Variants in CECR2 observed in about 807,000 individuals in gnomAD.
CECR2 encodes CECR2 histone acetyl-lysine reader, also known as chromatin remodeling regulator CECR2.
CECR2 carries 30 observed loss-of-function variants against 154.5 expected under a neutral mutation model. The observed-to-expected ratio is 0.19, with a 90% CI of 0.15 to 0.26. The LOEUF (loss-of-function observed/expected upper bound fraction) is 0.26. Among genes scored for constraint, CECR2 ranks in the 10% least tolerant of loss-of-function variants. The pLI is 1.00. For synonymous variants in CECR2, 725 were observed against 683.7 expected, an observed-to-expected ratio of 1.06 and a Z score of -0.94; for missense variants, 1,743 against 1,829.3, an observed-to-expected ratio of 0.95 and a Z score of 0.86.
chr22:17,408,165 T>G (rs1411799572), intron 1 of CECR2, among the ~76,000 whole-genome samples: 3 of 152,110 alleles, frequency 2.0e-5, no homozygotes, highest in African/African-American at 7.2e-5. Context: ...TCCAAGACGT[T>G]TTTATCACCT....
chr22:17,485,874 A>G (rs566497842), intron 2 of CECR2, among the ~76,000 whole-genome samples: 3 of 152,360 alleles, frequency 2.0e-5, no homozygotes, highest in African/African-American at 7.2e-5. Flanking sequence ...CTGTCTTCAG[A>G]TCTCAGTGAG....
In CECR2 at chr22:17,524,240, C is replaced by A; in HGVS notation, c.1077C>A (p.Arg359=). The A allele has an allele frequency of 6.2e-7, 1 of 1,609,506 alleles. No homozygotes were observed. Among genetic ancestry groups the A allele is most frequent in the Non-Finnish European group, 8.5e-7 (1 of 1,178,248 alleles). Residue 359 remains arginine, a synonymous_variant, in exon 9 of 19, where the codon CGC becomes CGA. Coordinates refer to ENST00000262608, the MANE Select transcript of CECR2 (RefSeq NM_001290047.2). ...QEQMLKEERK[R]ELEEKVKAVE... ...AGATGCTAAAGGAAGAGAGGAAACG[C>A]GAGTTGGAGGAGAAGGTCAAGGCAG...
At chr22:17,457,089 C>G (rs1421956248) in intron 1 of CECR2, among the ~76,000 whole-genome samples, 1 of 152,230 alleles carries the variant, frequency 6.6e-6, no homozygotes, top group South Asian at 2.1e-4. Flanking sequence ...TGCAGTGGCA[C>G]TATCTCTGTT....
intron 1 of CECR2, among the ~76,000 whole-genome samples, chr22:17,407,876 G>C (rs1268657608): frequency 6.6e-6 from 1 of 152,174 alleles, no homozygotes; most frequent in Non-Finnish European, 1.5e-5. Context: ...AGTCCAAAAT[G>C]TCAGTACTGC....
At chr22:17,410,413 CT>C (rs60591227) in intron 1 of CECR2, among the ~76,000 whole-genome samples, 11,575 of 152,006 alleles carry the variant, frequency 0.076, 1,228 homozygotes, top group African/African-American at 0.24. Flanking sequence ...TCTGATCCCC[CT>C]GTTTGTATAA....
At chr22:17,378,842 A>C (rs1278511983) in intron 1 of CECR2, among the ~76,000 whole-genome samples, 1 of 152,198 alleles carries the variant, frequency 6.6e-6, no homozygotes, top group Non-Finnish European at 1.5e-5. Context: ...CCCTAAATGC[A>C]AACCTTTAGT....
At chr22:17,456,554 T>A (rs772867656) in intron 1 of CECR2, among the ~76,000 whole-genome samples, 24 of 152,220 alleles carry the variant, frequency 1.6e-4, no homozygotes, top group Non-Finnish European at 2.4e-4. Context: ...ATTAAAACTG[T>A]AATTTTTTTA....
chr22:17,497,597 C>T lies in CECR2; in HGVS notation c.405+11C>T. 6.2e-7 allele frequency: 1 copy of T among 1,611,394 alleles called. No individual in the cohort carries two copies. Among genetic ancestry groups the T allele is most frequent in the Non-Finnish European group, 8.5e-7 (1 of 1,177,644 alleles). The stretch of plus-strand genomic sequence containing the variant: ...TTCGATCTTCTAAAGGTATGCTTAA[C>T]TGGCGAACCTTTCCCTGTAGCTGTG... On this transcript the variant is annotated intron_variant, in intron 3 of 18. Coordinates refer to ENST00000262608, the MANE Select transcript of CECR2 (RefSeq NM_001290047.2).
chr22:17,396,769 G>C (rs1463650914), intron 1 of CECR2, among the ~76,000 whole-genome samples: 1 of 152,200 alleles, frequency 6.6e-6, no homozygotes, highest in African/African-American at 2.4e-5. Flanking sequence ...AATCTCTGCA[G>C]AGTAGAAAGA....
chr22:17,529,778 CTTTG>C (rs559703922), intron 9 of CECR2, among the ~76,000 whole-genome samples: 29 of 151,840 alleles, frequency 1.9e-4, no homozygotes, highest in Middle Eastern at 3.5e-3. Flanking sequence ...TGATAGTTTT[CTTTG>C]TTTGAGACAA....
At chr22:17,498,892 C>T (rs1390421868) in intron 3 of CECR2, among the ~76,000 whole-genome samples, 1 of 152,200 alleles carries the variant, frequency 6.6e-6, no homozygotes, top group Admixed American at 6.5e-5. Flanking sequence ...ATATTTCCAT[C>T]TCTTGTTCCT....
chr22:17,504,515 C>T (rs2055799543), intron 6 of CECR2, among the ~76,000 whole-genome samples: 1 of 152,026 alleles, frequency 6.6e-6, no homozygotes, highest in Non-Finnish European at 1.5e-5. Context: ...CGGCTCACTG[C>T]AAGCTCCGCC....
Position 17,556,893 on chromosome 22 carries a change from C to T in CECR2, c.*4053C>T, listed in dbSNP as rs1244605454. On this transcript the variant is annotated 3_prime_UTR_variant, in exon 19 of 19. Transcript: ENST00000262608. ...GGGTGTGGTGTGTCCACCAGTGACTCTCCGGACACTAGCTTCAGTAAGGAT... is the reference window on the plus strand; with the variant it reads ...GGGTGTGGTGTGTCCACCAGTGACTTTCCGGACACTAGCTTCAGTAAGGAT... 1 of 152,266 alleles carries T rather than the reference C, an allele frequency of 6.6e-6. No individual in the cohort carries two copies. The highest frequency in any genetic ancestry group is 1.5e-5 in the Non-Finnish European group (1 of 68,082). 9.4% of individuals were successfully genotyped at this position (152,266 alleles called of 1,614,324 possible).
chr22:17,509,665 G>A (rs1329029479), intron 7 of CECR2, among the ~76,000 whole-genome samples: 1 of 151,994 alleles, frequency 6.6e-6, no homozygotes, highest in Non-Finnish European at 1.5e-5. Flanking sequence ...GCTATCACTT[G>A]ACAGAAGTTT....
chr22:17,545,146 G>A (rs556960510), intron 16 of CECR2, among the ~76,000 whole-genome samples: 3 of 151,972 alleles, frequency 2.0e-5, no homozygotes, highest in South Asian at 4.2e-4. Flanking sequence ...AGGCTGACGC[G>A]GGTGGATCAC....
chr22:17,502,136 A>T (rs2055750076), intron 5 of CECR2, among the ~76,000 whole-genome samples: 1 of 152,180 alleles, frequency 6.6e-6, no homozygotes, highest in South Asian at 2.1e-4. Flanking sequence ...TGCGTTATAC[A>T]CTTTGCATTT....
intron 3 of CECR2, among the ~76,000 whole-genome samples, chr22:17,498,244 A>T (rs935638048): frequency 1.3e-5 from 2 of 152,142 alleles, no homozygotes; most frequent in Non-Finnish European, 2.9e-5. Context: ...AAAAAAAATT[A>T]GCCGGGCGTG....
intron 9 of CECR2, among the ~76,000 whole-genome samples, chr22:17,533,941 C>T (rs1041946384): frequency 1.3e-4 from 19 of 151,666 alleles, no homozygotes; most frequent in African/African-American, 4.1e-4. Context: ...CTCGAACTCC[C>T]GACCTCTGAT....
At chr22:17,467,490 C>CT (rs1490407128) in intron 1 of CECR2, among the ~76,000 whole-genome samples, 2 of 152,004 alleles carry the variant, frequency 1.3e-5, no homozygotes, top group Non-Finnish European at 2.9e-5. Flanking sequence ...ACCTGGGGCA[C>CT]TTTTTAAAAG....
Sources: gnomAD v4.1 joint callset for allele counts (sites outside exome capture counted in the v4.1 genomes callset) on GRCh38, gnomAD v4.1.1 for gene constraint, MANE v1.5 for transcripts, NCBI Gene and HGNC (gene_info 2026-07-23, HGNC 2026-07-21) for gene names.